Variants in ADAM7 observed in about 807,000 individuals in gnomAD.
ADAM7 encodes the protein disintegrin and metalloproteinase domain-containing protein 7.
Under a neutral mutation model 102.9 loss-of-function variants are expected in ADAM7, and 97 were observed. The observed-to-expected ratio is 0.94, with a 90% confidence interval of 0.80 to 1.12. ADAM7 has a LOEUF of 1.12. Among genes scored for constraint, ADAM7 ranks in the 50% most tolerant of loss-of-function variants. The probability of loss-of-function intolerance (pLI) is 0.00; values close to 1 mark genes in which losing one functional copy is unlikely to be tolerated. For synonymous variants in ADAM7, 334 were observed against 304.4 expected, an observed-to-expected ratio of 1.10 and a Z score of -1.01; for missense variants, 991 against 908.7, an observed-to-expected ratio of 1.09 and a Z score of -1.16.
At chr8:24,486,926 G>A (rs535118411) in intron 10 of ADAM7, among the ~76,000 whole-genome samples, 98 of 152,220 alleles carry the variant, frequency 6.4e-4, no homozygotes, top group African/African-American at 2.3e-3. Flanking sequence ...TCTATAAATT[G>A]AACAATGACT....
At chr8:24,494,203 A>T (rs1054045935) in intron 16 of ADAM7, among the ~76,000 whole-genome samples, 1 of 152,226 alleles carries the variant, frequency 6.6e-6, no homozygotes, top group African/African-American at 2.4e-5. Context: ...GAATGTAAAA[A>T]AAAGAACTAG....
intron 16 of ADAM7, among the ~76,000 whole-genome samples, chr8:24,497,924 T>C (rs1438070380): frequency 6.6e-6 from 1 of 152,080 alleles, no homozygotes; most frequent in East Asian, 1.9e-4. Context: ...GGGAACATAA[T>C]TGTTGGGACC....
At position 24,499,278 on chromosome 8, in the gene ADAM7, A is replaced by ATC. The variant is rs780034068; in HGVS notation, c.1888_1889dup (p.Thr631GlnfsTer29). The ATC allele has an allele frequency of 1.2e-6, 2 of 1,608,516 alleles. No homozygotes were observed. Among genetic ancestry groups the ATC allele is most frequent in the South Asian group, 2.2e-5 (2 of 90,002 alleles). ...ATGTCTAAACATGGAAAAGGTCTAT[A>ATC]TCTCAACCAATTGCCCCTCTCAGTG... On this transcript the variant is annotated frameshift_variant, in exon 17 of 22. Coordinates refer to ENST00000175238, the MANE Select transcript of ADAM7 (RefSeq NM_003817.4). LOFTEE classifies it high-confidence loss of function.
chr8:24,462,257 A>G (rs1347297300), intron 3 of ADAM7, among the ~76,000 whole-genome samples: 2 of 152,166 alleles, frequency 1.3e-5, no homozygotes, highest in African/African-American at 4.8e-5. Context: ...GTCATAGTTC[A>G]GGGAAAATTC....
chr8:24,457,523 G>T (rs907373497), intron 3 of ADAM7, among the ~76,000 whole-genome samples: 5 of 151,950 alleles, frequency 3.3e-5, no homozygotes, highest in African/African-American at 1.2e-4. Flanking sequence ...CAATCCACCC[G>T]CCTTGGCCTC....
At chr8:24,478,703 A>C (rs1223783483) in intron 8 of ADAM7, among the ~76,000 whole-genome samples, 1 of 152,158 alleles carries the variant, frequency 6.6e-6, no homozygotes, top group Non-Finnish European at 1.5e-5. Context: ...TTCCTGTTAG[A>C]CAATTTCAAC....
chr8:24,491,440 G>A (rs1820349010), intron 13 of ADAM7, among the ~76,000 whole-genome samples: 1 of 152,174 alleles, frequency 6.6e-6, no homozygotes, highest in African/African-American at 2.4e-5. Flanking sequence ...GGCTGAATGA[G>A]AGAATATCTC....
intron 3 of ADAM7, among the ~76,000 whole-genome samples, chr8:24,454,362 C>A (rs912887546): frequency 6.6e-6 from 1 of 150,726 alleles, no homozygotes; most frequent in African/African-American, 2.4e-5. Flanking sequence ...CAATGGCGGG[C>A]GCCCCTCCCC....
intron 7 of ADAM7, among the ~76,000 whole-genome samples, chr8:24,470,960 T>C (rs544796440): frequency 7.2e-5 from 11 of 152,206 alleles, no homozygotes; most frequent in Middle Eastern, 3.4e-3. Flanking sequence ...CAGCTGTATG[T>C]ATGTAATTGC....
chr8:24,471,925 T>C (rs1482728295), intron 7 of ADAM7, among the ~76,000 whole-genome samples: 1 of 151,932 alleles, frequency 6.6e-6, no homozygotes, highest in African/African-American at 2.4e-5. Context: ...GAAATATACC[T>C]AAACTTCTCA....
chr8:24,445,691 C>CCT (rs1818531431), intron 2 of ADAM7, among the ~76,000 whole-genome samples: 1 of 152,220 alleles, frequency 6.6e-6, no homozygotes, highest in Non-Finnish European at 1.5e-5. Context: ...CTTGCTATGG[C>CCT]ATGTTTCTGC....
rs1362492843 is a variant in ADAM7, at chr8:24,492,971, G to A, written c.1656-72G>A. ...GGATCTAGAAAAAGAGTGACCGGGA[G>A]GCTCCATTGCCAGCCTAGTCTCAAA... On this transcript the variant is annotated intron_variant, in intron 15 of 21. Transcript: ENST00000175238. The A allele has an allele frequency of 3.5e-6, 5 of 1,421,380 alleles. No individual in the cohort carries two copies. In the African/African-American group the frequency reaches 7.3e-5, roughly 21 times the overall value. 88.0% of individuals were successfully genotyped at this position (1,421,380 alleles called of 1,614,324 possible).
chr8:24,491,143 C>T (rs1231645380), intron 13 of ADAM7, among the ~76,000 whole-genome samples: 1 of 152,128 alleles, frequency 6.6e-6, no homozygotes, highest in Non-Finnish European at 1.5e-5. Context: ...TCTATTCTTG[C>T]TCCTTTGTAA....
At chr8:24,445,253 G>A (rs1406818491) in intron 2 of ADAM7, among the ~76,000 whole-genome samples, 1 of 152,022 alleles carries the variant, frequency 6.6e-6, no homozygotes, top group East Asian at 1.9e-4. Context: ...ATCTGATTAA[G>A]TACCCACCCT....
At chr8:24,446,642 T>C (rs1240864499) in intron 2 of ADAM7, among the ~76,000 whole-genome samples, 4 of 151,812 alleles carry the variant, frequency 2.6e-5, no homozygotes, top group Non-Finnish European at 5.9e-5. Flanking sequence ...TTTATTAAAA[T>C]AGGAAATAGT....
Position 24,482,272 on chromosome 8 carries a change from T to C in ADAM7, c.836T>C (p.Leu279Pro). 6.2e-7 allele frequency: 1 copy of C among 1,611,204 alleles called. No individual in the cohort carries two copies. The highest frequency in any genetic ancestry group is 8.5e-7 in the Non-Finnish European group (1 of 1,179,150). ...TTTTCATTTTGGCAAGAAAAGATCCTTAAAACACGGAAGGATTTTGATCAT... is the reference window on the plus strand; with the variant it reads ...TTTTCATTTTGGCAAGAAAAGATCCCTAAAACACGGAAGGATTTTGATCAT... ...LRFSFWQEKILKTRKDFDHVV... is the reference protein window; with the variant it reads ...LRFSFWQEKIPKTRKDFDHVV... Residue 279 changes from leucine to proline, a missense_variant, in exon 9 of 22, where the codon CTT becomes CCT. Coordinates refer to ENST00000175238, the MANE Select transcript of ADAM7 (RefSeq NM_003817.4).
At chr8:24,477,018 G>A (rs1342927935) in intron 8 of ADAM7, among the ~76,000 whole-genome samples, 1 of 152,030 alleles carries the variant, frequency 6.6e-6, no homozygotes, top group African/African-American at 2.4e-5. Flanking sequence ...AGACACCTCA[G>A]CCCTATTACT....
At chr8:24,494,840 G>A (rs1400687345) in intron 16 of ADAM7, among the ~76,000 whole-genome samples, 1 of 152,142 alleles carries the variant, frequency 6.6e-6, no homozygotes, top group Non-Finnish European at 1.5e-5. Context: ...GTAGGCTAAC[G>A]AGATGGAAAA....
intron 16 of ADAM7, among the ~76,000 whole-genome samples, chr8:24,494,515 G>T (rs1043006428): frequency 1.4e-4 from 22 of 152,196 alleles, no homozygotes; most frequent in African/African-American, 5.1e-4. Flanking sequence ...TGTTAGAAAG[G>T]CAGTTGTGAA....
Sources: allele counts gnomAD v4.1 joint callset (sites outside exome capture counted in the v4.1 genomes callset), GRCh38; gene constraint gnomAD v4.1.1; transcripts MANE v1.5; gene names NCBI Gene and HGNC (gene_info 2026-07-23, HGNC 2026-07-21).